EIF4G2: variants seen among roughly 807,000 people sequenced by gnomAD.
EIF4G2 encodes eukaryotic translation initiation factor 4 gamma 2, also known as DAP-5.
Under a neutral mutation model 117.7 loss-of-function variants are expected in EIF4G2, and 8 were observed. The observed-to-expected ratio is 0.07, with a 90% CI of 0.04 to 0.12. EIF4G2 has a LOEUF of 0.12. EIF4G2 is among the 10% of genes least tolerant of loss of function. EIF4G2 has a pLI of 1.00. For missense variants in EIF4G2, 812 were observed against 1,086.2 expected (o/e 0.75, Z 3.55); for synonymous variants, 413 against 367.8 (o/e 1.12, Z -1.41).
In EIF4G2 at chr11:10,800,851, T is replaced by C. The variant is rs766743419; in HGVS notation, c.1540-16A>G. Reference sequence around the variant, plus strand: ...GCTGAGGTGTCTAAAAAACAAGCAATGACAGACTTTTTTTAAAAAGAGGAC... The same window carrying C: ...GCTGAGGTGTCTAAAAAACAAGCAACGACAGACTTTTTTTAAAAAGAGGAC... On this transcript the variant is annotated splice_polypyrimidine_tract_variant and intron_variant, in intron 15 of 21. Transcript: ENST00000339995. 1.2e-6 allele frequency: 2 copies of C among 1,612,832 alleles called. No homozygotes were observed. The highest frequency in any genetic ancestry group is 1.7e-5 in the Admixed American group (1 of 59,674).
rs1280115209 is a variant in EIF4G2 at position 10,797,232 on chromosome 11, G to C, written c.*584C>G. The C allele has an allele frequency of 1.3e-5, 2 of 152,926 alleles. No homozygotes were observed. The highest frequency in any genetic ancestry group is 2.9e-5 in the Non-Finnish European group (2 of 68,360). 9.5% of individuals were successfully genotyped at this position (152,926 alleles called of 1,614,324 possible). ...AGGGCATTAACGATCTCTCAAAACT[G>C]ATCAGTTTTGTGCAAGTAAACCATG... On this transcript the variant is annotated 3_prime_UTR_variant, in exon 22 of 22. Coordinates refer to ENST00000339995, the MANE Select transcript of EIF4G2 (RefSeq NM_001418.4). This position sits in a 1 kb window ranked among gnomAD's most constrained non-coding sequence, Gnocchi z 4.5.
At chr11:10,802,270 C>A (rs2135412610) in intron 12 of EIF4G2, 24 bp downstream of exon 12, 12 of 1,611,420 alleles carry the variant, frequency 7.4e-6, no homozygotes, top group Non-Finnish European at 9.3e-6. Flanking sequence ...CAGCTTAACG[C>A]AACCATTGTT....
At chr11:10,807,212 C>G (rs746845798) in intron 2 of EIF4G2, 43 bp downstream of exon 2, 1 of 1,584,938 alleles carries the variant, frequency 6.3e-7, no homozygotes, top group South Asian at 1.2e-5. Context: ...CTTTTTGAGA[C>G]TGGCCTTTTC....
In EIF4G2 at chr11:10,801,652, C is replaced by A; in HGVS notation, c.1413+9G>T. 1 of 1,611,660 alleles carries A rather than the reference C, an allele frequency of 6.2e-7. No homozygotes were observed. The highest frequency in any genetic ancestry group is 8.5e-7 in the Non-Finnish European group (1 of 1,177,814). On this transcript the variant is annotated intron_variant, in intron 14 of 21. Coordinates refer to ENST00000339995, the MANE Select transcript of EIF4G2 (RefSeq NM_001418.4). ...AACTATGGTATATAAGTAACATAGG[C>A]AAATGTACCTCATCTGCATTAAGCT...
Position 10,797,892 on chromosome 11 carries a change from A to T in EIF4G2, c.2659-11T>A. The T allele has an allele frequency of 6.2e-7, 1 of 1,612,312 alleles. No individual in the cohort carries two copies. The highest frequency in any genetic ancestry group is 8.5e-7 in the Non-Finnish European group (1 of 1,179,102). On this transcript the variant is annotated splice_polypyrimidine_tract_variant and intron_variant, in intron 21 of 21. Coordinates refer to ENST00000339995, the MANE Select transcript of EIF4G2 (RefSeq NM_001418.4). This position sits in a 1 kb window ranked among gnomAD's most constrained non-coding sequence, Gnocchi z 4.5. ...TAGCCACTGATTCACCTATAAATTA[A>T]GATTTGTAAATTAAAATAGTTCATG... is the stretch of plus-strand genomic sequence containing the variant.
intron 4 of EIF4G2, 94 bp from the exon 5 acceptor site, chr11:10,805,109 T>C (rs947780875): frequency 7.2e-6 from 7 of 974,728 alleles, no homozygotes; most frequent in African/African-American, 1.6e-5. Flanking sequence ...TTCTTCTAAC[T>C]TGCTCCCTTT....
In EIF4G2 at chr11:10,800,834, G is replaced by A. The variant is rs761928767; in HGVS notation, c.1541C>T (p.Thr514Ile). The change falls in exon 16 of 22, where the codon ACA (threonine) becomes ATA (isoleucine). Residue 514 changes from threonine to isoleucine, a missense_variant and splice_region_variant. Around this residue, in one of 4 missense-constraint regions of EIF4G2, gnomAD observed 571 missense variants for 642.3 expected, o/e 0.89. Transcript: ENST00000339995. ...ATTAGTTTTGAGACCAAGCTGAGGTGTCTAAAAAACAAGCAATGACAGACT... is the reference window on the plus strand; with the variant it reads ...ATTAGTTTTGAGACCAAGCTGAGGTATCTAAAAAACAAGCAATGACAGACT... 10 of 1,613,710 alleles carry A rather than the reference G, an allele frequency of 6.2e-6. No homozygotes were observed. The East Asian group carries it at 1.8e-4, about 29-fold the overall frequency.
chr11:10,801,856 A>C, intron 13 of EIF4G2, 82 bp from the exon 14 acceptor site: 1 of 1,370,042 alleles, frequency 7.3e-7, no homozygotes, highest in Non-Finnish European at 1.0e-6. Flanking sequence ...GGATGAGCCA[A>C]GCCATAAAGT....
chr11:10,800,908 T>C, intron 15 of EIF4G2, 54 bp downstream of exon 15: 1 of 1,611,276 alleles, frequency 6.2e-7, no homozygotes, highest in Non-Finnish European at 8.5e-7. Flanking sequence ...ACACTAAATT[T>C]AGAAAAAAGT....
chr11:10,802,255 T>C (rs763257063), intron 12 of EIF4G2, 39 bp downstream of exon 12: 1 of 1,611,514 alleles, frequency 6.2e-7, no homozygotes, highest in South Asian at 1.1e-5. Flanking sequence ...AGTTAACTGA[T>C]TTTTCAGCTT....
intron 13 of EIF4G2, 111 bp from the exon 14 acceptor site, chr11:10,801,885 C>A: frequency 8.4e-7 from 1 of 1,195,152 alleles, no homozygotes; most frequent in South Asian, 1.4e-5. Context: ...CTGAATTTGC[C>A]CAGAGAAAGT....
intron 1 of EIF4G2, chr11:10,808,168 G>T: frequency 9.0e-7 from 1 of 1,114,356 alleles, no homozygotes; most frequent in Non-Finnish European, 1.1e-6. Flanking sequence ...CCCCGGGACT[G>T]ACAACCGCCT....
Position 10,802,311 on chromosome 11 carries a change from A to C in EIF4G2, c.1121T>G (p.Met374Arg). The stretch of plus-strand genomic sequence containing the variant: ...AAAATTACCTGGCATTTGTCCAAAC[A>C]TATCAGCAAGTCCTCCAAGTGGGTC... Residue 374 changes from methionine to arginine, a missense_variant, in exon 12 of 22, where the codon ATG becomes AGG. By Grantham distance (91) the Met-to-Arg change is moderately conservative. Around this residue, in one of 4 missense-constraint regions of EIF4G2, gnomAD observed 571 missense variants for 642.3 expected, o/e 0.89. Transcript: ENST00000339995. The C allele has an allele frequency of 2.5e-6, 4 of 1,613,514 alleles. No individual in the cohort carries two copies. Among genetic ancestry groups the C allele is most frequent in the Non-Finnish European group, 3.4e-6 (4 of 1,179,798 alleles).
intron 3 of EIF4G2, 131 bp downstream of exon 3, chr11:10,806,689 G>A (rs764759399): frequency 7.8e-5 from 73 of 934,370 alleles, no homozygotes; most frequent in Non-Finnish European, 3.8e-5. Context: ...TCTGTATTTA[G>A]GATACCCAAC....
At position 10,801,731 on chromosome 11, in the gene EIF4G2, G is replaced by T. The variant is rs1847423475; in HGVS notation, c.1343C>A (p.Ser448Tyr). The change falls in exon 14 of 22, where the codon TCC (serine) becomes TAC (tyrosine). Residue 448 changes from serine (S) to tyrosine (Y), a missense_variant. Physicochemically the swap from Ser to Tyr is moderately radical, Grantham distance 144. Around this residue, in one of 4 missense-constraint regions of EIF4G2, gnomAD observed 571 missense variants for 642.3 expected, o/e 0.89. Transcript: ENST00000339995. ...ATCCTTCGACTGTCCTTGCAGCTGGGATAAGAGTCCCTGACTCTGGTTATG... is the reference window on the plus strand; with the variant it reads ...ATCCTTCGACTGTCCTTGCAGCTGGTATAAGAGTCCCTGACTCTGGTTATG... 1 of 1,614,028 alleles carries T rather than the reference G, an allele frequency of 6.2e-7. No homozygotes were observed. The highest frequency in any genetic ancestry group is 1.3e-5 in the African/African-American group (1 of 74,930).
Position 10,806,855 on chromosome 11 carries a change from A to G in EIF4G2, c.72T>C (p.Gly24=). 6.2e-7 allele frequency: 1 copy of G among 1,614,146 alleles called. No individual in the cohort carries two copies. The highest frequency in any genetic ancestry group is 8.5e-7 in the Non-Finnish European group (1 of 1,180,020). The change falls in exon 3 of 22, where the codon GGT becomes GGC. Residue 24 remains glycine (G), a synonymous_variant. Transcript: ENST00000339995. ...CAGTCTTGGGATAGTGCTGAGGTGC[A>G]CCCCTACTTCCTCCTCCGCCCGAAG... is the stretch of plus-strand genomic sequence containing the variant.
chr11:10,808,495 C>G, intron 1 of EIF4G2: 1 of 1,244,156 alleles, frequency 8.0e-7, no homozygotes, highest in Non-Finnish European at 1.0e-6. Flanking sequence ...CTGGCCAACA[C>G]TGACGTTTTC....
intron 3 of EIF4G2, 187 bp from the exon 4 acceptor site, chr11:10,806,234 G>A (rs1278951760): frequency 1.2e-5 from 9 of 764,622 alleles, no homozygotes; most frequent in Middle Eastern, 3.8e-4. Context: ...TGTTAATACA[G>A]ATTGCTGGGC....
At chr11:10,798,889 C>CCTAGT in intron 21 of EIF4G2, 103 bp downstream of exon 21, 1 of 1,375,280 alleles carries the variant, frequency 7.3e-7, no homozygotes, top group African/African-American at 1.5e-5. Flanking sequence ...AAACTACTAA[C>CCTAGT]TAGGACTACC....
Sources: gnomAD v4.1 joint callset for allele counts on GRCh38, gnomAD v4.1.1 for gene constraint, gnomAD v4.1.1 regional missense constraint, Gnocchi (gnomAD v3.1) non-coding constraint, MANE v1.5 for transcripts, NCBI Gene and HGNC (gene_info 2026-07-23, HGNC 2026-07-21) for gene names.